DUSP15: variants seen among roughly 807,000 people sequenced by gnomAD.
DUSP15 encodes dual specificity phosphatase 15.
Under a neutral mutation model 26.3 loss-of-function variants are expected in DUSP15, and 23 were observed. That is an observed-to-expected ratio of 0.87 (90% CI 0.63 to 1.24). The LOEUF is 1.24. DUSP15 is among the 50% of genes most tolerant of loss of function. The pLI is 0.00. For missense variants in DUSP15, 364 were observed against 320.6 expected (o/e 1.14, Z -1.03); for synonymous variants, 143 against 135.5 (o/e 1.06, Z -0.39).
intron 5 of DUSP15, 157 bp downstream of exon 5, chr20:31,863,750 G>C: frequency 3.0e-6 from 2 of 667,720 alleles, no homozygotes; most frequent in East Asian, 5.5e-5. Context: ...AGAGTCCCGG[G>C]TTGGCCTCTC....
At position 31,853,338 on chromosome 20, in the gene DUSP15, C is replaced by T. The variant is rs980482794; in HGVS notation, c.427-2662G>A. Among the ~76,000 whole-genome samples the T allele has an allele frequency of 9.2e-5, 14 of 151,924 alleles. 1 individual carries two copies. Among genetic ancestry groups the T allele is most frequent in the African/African-American group, 2.4e-4 (10 of 41,442 alleles). On this transcript the variant is annotated intron_variant, in intron 6 of 9. Transcript: ENST00000278979. ...ATCATGGCAGTGGTTTGCTATCTGC[C>T]GAGCCATAGAATGAAATCCCTACCT...
Position 31,861,326 on chromosome 20 carries a change from C to G in DUSP15, c.*77G>C. On this transcript the variant is annotated 3_prime_UTR_variant, in exon 7 of 7. Transcript: ENST00000339738. ...GGGCTCCCCCAGCCTCTGGGCCCGT[C>G]CTGGGGGGCGTGGAAGGCGCAGACA... The G allele has an allele frequency of 7.1e-7, 1 of 1,417,838 alleles. No homozygotes were observed. Among genetic ancestry groups the G allele is most frequent in the Non-Finnish European group, 9.2e-7 (1 of 1,089,898 alleles). 87.8% of individuals were successfully genotyped at this position (1,417,838 alleles called of 1,614,324 possible). A position where few individuals can be genotyped will look rare whatever the true frequency, so the allele number is the denominator to read the frequency against.
downstream of DUSP15, among the ~76,000 whole-genome samples, chr20:31,856,965 A>G (rs1294661589): frequency 6.6e-6 from 1 of 152,098 alleles, no homozygotes; most frequent in Non-Finnish European, 1.5e-5. Context: ...GATGCAGACC[A>G]ACCCAACACC....
At chr20:31,848,724 G>A in intron 9 of DUSP15, 1 of 1,499,166 alleles carries the variant, frequency 6.7e-7, no homozygotes, top group Non-Finnish European at 9.0e-7. Flanking sequence ...AGGCAGAGCT[G>A]GGACTGGAGG....
At chr20:31,863,876 C>T in intron 5 of DUSP15, 31 bp downstream of exon 5, 1 of 1,604,280 alleles carries the variant, frequency 6.2e-7, no homozygotes, top group Non-Finnish European at 8.5e-7. Context: ...CTTCCTTCCT[C>T]CCCCACCTTA....
chr20:31,866,510 C>T (rs1487355064), intron 3 of DUSP15, among the ~76,000 whole-genome samples: 1 of 152,142 alleles, frequency 6.6e-6, no homozygotes, highest in Non-Finnish European at 1.5e-5. Flanking sequence ...TTATTACTTT[C>T]CTCTGCTGGG....
At chr20:31,866,519 G>T (rs866653573) in intron 3 of DUSP15, among the ~76,000 whole-genome samples, 1 of 152,016 alleles carries the variant, frequency 6.6e-6, no homozygotes, top group Non-Finnish European at 1.5e-5. Context: ...TCCTCTGCTG[G>T]GTCCTAACAC....
downstream of DUSP15, among the ~76,000 whole-genome samples, chr20:31,846,125 CAGACACAG>C (rs1172588709): frequency 7.0e-6 from 1 of 142,120 alleles, no homozygotes; most frequent in Non-Finnish European, 1.5e-5. Flanking sequence ...CAGAGACACA[CAGACACAG>C]ACACACACAC....
downstream of DUSP15, among the ~76,000 whole-genome samples, chr20:31,859,435 C>T (rs562908095): frequency 2.1e-4 from 32 of 152,326 alleles, no homozygotes; most frequent in Admixed American, 7.2e-4. Context: ...CCCCCCACTC[C>T]CTGCACCTTT....
At position 31,870,124 on chromosome 20, in the gene DUSP15, GC is replaced by G. The variant is rs1262115590; in HGVS notation, c.21+192del. ...GAGTCACGGAGAGAGGGCGGACACA[GC>G]GGGGACAGAGACGCAGGGTCAGAGA... On this transcript the variant is annotated intron_variant, in intron 1 of 6. Transcript: ENST00000339738. The surrounding 1 kb of genome is among the most constrained non-coding windows in gnomAD (Gnocchi z 6.6). 8.1e-7 allele frequency: 1 copy of G among 1,239,884 alleles called. No individual in the cohort carries two copies. The highest frequency in any genetic ancestry group is 1.6e-5 in the African/African-American group (1 of 64,164). 76.8% of individuals were successfully genotyped at this position (1,239,884 alleles called of 1,614,324 possible). A position where few individuals can be genotyped will look rare whatever the true frequency, so the allele number is the denominator to read the frequency against.
chr20:31,865,845 G>C (rs1013371913), intron 3 of DUSP15, among the ~76,000 whole-genome samples: 4 of 152,182 alleles, frequency 2.6e-5, no homozygotes, highest in African/African-American at 4.8e-5. Flanking sequence ...GCTGATGGAG[G>C]GGGGAAGGAG....
chr20:31,846,119 G>A (rs978047314), downstream of DUSP15, among the ~76,000 whole-genome samples: 1 of 108,012 alleles, frequency 9.3e-6, no homozygotes, highest in Non-Finnish European at 1.8e-5. Flanking sequence ...GACACACAGA[G>A]ACACACAGAC....
At position 31,861,533 on chromosome 20, in the gene DUSP15, G is replaced by C; in HGVS notation, c.578C>G (p.Ser193Cys). The C allele has an allele frequency of 6.6e-7, 1 of 1,514,730 alleles. No individual in the cohort carries two copies. Among genetic ancestry groups the C allele is most frequent in the Non-Finnish European group, 8.8e-7 (1 of 1,139,572 alleles). 93.8% of individuals were successfully genotyped at this position (1,514,730 alleles called of 1,614,324 possible). ...CACCAGGCGCTGCACGGTTCCCTCG[G>C]AGGCTGCTGAGTGCGGCCCGGCGGA... Reference protein sequence around the residue: ...ASSAGPHSAASEGTVQRLVPR... With the variant: ...ASSAGPHSAACEGTVQRLVPR... The change falls in exon 7 of 7, where the codon TCC becomes TGC. Residue 193 changes from serine (S) to cysteine (C), a missense_variant. Ser to Cys is a moderately radical substitution (Grantham distance 112, BLOSUM62 -1). Transcript: ENST00000339738.
downstream of DUSP15, among the ~76,000 whole-genome samples, chr20:31,860,749 C>CGGGGA (rs2062631330): frequency 6.6e-6 from 1 of 152,024 alleles, no homozygotes; most frequent in Admixed American, 6.5e-5. Flanking sequence ...GGAAGGGAGT[C>CGGGGA]GGGGAGGGGA....
chr20:31,869,425 C>T, intron 2 of DUSP15, 139 bp downstream of exon 2: 1 of 1,198,062 alleles, frequency 8.3e-7, no homozygotes, highest in East Asian at 2.6e-5. Flanking sequence ...CTCCATCAGC[C>T]TTTTCCCCCT....
chr20:31,868,240 C>G (rs1388218793), intron 2 of DUSP15, among the ~76,000 whole-genome samples: 1 of 152,150 alleles, frequency 6.6e-6, no homozygotes, highest in Non-Finnish European at 1.5e-5. Flanking sequence ...GGCCTGCACA[C>G]TTACAGAGGG....
chr20:31,863,614 A>G (rs1600472181), intron 5 of DUSP15: 1 of 356,828 alleles, frequency 2.8e-6, no homozygotes, highest in East Asian at 5.5e-5. Flanking sequence ...AGCTACCTCC[A>G]TGACCTCACC....
chr20:31,864,990 G>C lies in DUSP15; in HGVS notation c.151C>G (p.Leu51Val). 4.3e-6 allele frequency: 7 copies of C among 1,614,096 alleles called. No homozygotes were observed. Among genetic ancestry groups the C allele is most frequent in the Non-Finnish European group, 5.1e-6 (6 of 1,179,994 alleles). The change falls in exon 4 of 7, where the codon CTT becomes GTT. Residue 51 changes from leucine (L) to valine (V), a missense_variant. Leu to Val is a conservative substitution (Grantham distance 32, BLOSUM62 1). Coordinates refer to ENST00000339738, the MANE Select transcript of DUSP15 (RefSeq NM_080611.5). ...PQPLLQDITY[L>V]RIPVADTPEV... ...GGGGTATCAGCGACCGGGATGCGAA[G>C]GTAGGTGATATCCTGCAAGTACAAA... is the stretch of plus-strand genomic sequence containing the variant.
intron 6 of DUSP15, among the ~76,000 whole-genome samples, chr20:31,853,923 G>C (rs370274494): frequency 2.0e-5 from 3 of 152,134 alleles, no homozygotes; most frequent in Non-Finnish European, 4.4e-5. Context: ...ACTTTAAAGA[G>C]TGTGGTCAGA....
Sources: gnomAD v4.1 joint callset for allele counts (sites outside exome capture counted in the v4.1 genomes callset) on GRCh38, gnomAD v4.1.1 for gene constraint, Gnocchi (gnomAD v3.1) non-coding constraint, MANE v1.5 for transcripts, NCBI Gene and HGNC (gene_info 2026-07-23, HGNC 2026-07-21) for gene names.